Variants in ALCAM observed in about 807,000 individuals in gnomAD.
ALCAM encodes the protein CD166 antigen.
In ALCAM, 30 loss-of-function variants were observed where a neutral mutation model predicts 70.9. The ratio of observed to expected loss-of-function variants is 0.42; its 90% confidence interval spans 0.32 to 0.57. The LOEUF (loss-of-function observed/expected upper bound fraction) is 0.57, where lower values mean the gene tolerates loss of function less well. ALCAM is among the 20% of genes least tolerant of loss of function. The probability of loss-of-function intolerance (pLI) is 0.11; values close to 1 mark genes in which losing one functional copy is unlikely to be tolerated. For synonymous variants in ALCAM, 249 were observed against 242.5 expected (o/e 1.03, Z -0.25); for missense variants, 591 against 695.1 (o/e 0.85, Z 1.68).
At chr3:105,527,922 G>C (rs1008439312) in intron 3 of ALCAM, among the ~76,000 whole-genome samples, 19 of 150,608 alleles carry the variant, frequency 1.3e-4, no homozygotes, top group African/African-American at 3.7e-4. Context: ...GGGCATTGAG[G>C]GGGGAGGAAG....
chr3:105,529,057 CTG>C (rs1354396988), intron 3 of ALCAM, among the ~76,000 whole-genome samples: 2 of 152,114 alleles, frequency 1.3e-5, no homozygotes, highest in Admixed American at 1.3e-4. Flanking sequence ...AGAATAAACA[CTG>C]TAAGATATTT....
chr3:105,537,140 G>A (rs1416232207), intron 6 of ALCAM, among the ~76,000 whole-genome samples: 1 of 129,602 alleles, frequency 7.7e-6, no homozygotes, highest in Non-Finnish European at 1.7e-5. Context: ...AAATGCACCA[G>A]TCCACTCCTT....
intron 1 of ALCAM, among the ~76,000 whole-genome samples, chr3:105,473,762 C>A (rs561490173): frequency 9.9e-5 from 15 of 151,708 alleles, no homozygotes; most frequent in Middle Eastern, 3.4e-3. Flanking sequence ...CACAGGATTT[C>A]ATGGCACATT....
At chr3:105,499,823 T>C (rs1157456411) in intron 1 of ALCAM, among the ~76,000 whole-genome samples, 1 of 152,214 alleles carries the variant, frequency 6.6e-6, no homozygotes, top group East Asian at 1.9e-4. Context: ...ACTATCTAAG[T>C]ACAAATATGG....
intron 1 of ALCAM, among the ~76,000 whole-genome samples, chr3:105,488,060 C>CT (rs201772295): frequency 0.011 from 1,680 of 152,176 alleles, 26 homozygotes; most frequent in African/African-American, 0.038. Flanking sequence ...CTGTGAGTGA[C>CT]TTTTTACTTT....
At chr3:105,534,575 A>AT in intron 5 of ALCAM, 88 bp from the exon 6 acceptor site, 1 of 1,311,944 alleles carries the variant, frequency 7.6e-7, no homozygotes. Flanking sequence ...AGGAAAAAAA[A>AT]CACTTCTCAA....
At chr3:105,509,300 A>C (rs1447318980) in intron 1 of ALCAM, among the ~76,000 whole-genome samples, 7 of 151,970 alleles carry the variant, frequency 4.6e-5, no homozygotes, top group African/African-American at 1.7e-4. Context: ...CGTTTTTCAT[A>C]ATTGCTGTAC....
chr3:105,386,340 G>GT (rs1935654300), intron 1 of ALCAM, among the ~76,000 whole-genome samples: 4 of 151,588 alleles, frequency 2.6e-5, no homozygotes, highest in Admixed American at 1.3e-4. Context: ...CTGCACAATG[G>GT]TTTATGCATG....
chr3:105,408,887 G>A (rs1936315811), intron 1 of ALCAM, among the ~76,000 whole-genome samples: 1 of 152,024 alleles, frequency 6.6e-6, no homozygotes, highest in Non-Finnish European at 1.5e-5. Flanking sequence ...AGCGGGCTAA[G>A]GAGATGAATA....
At chr3:105,539,947 G>A (rs1433663936) in intron 6 of ALCAM, 28 bp from the exon 7 acceptor site, 15 of 1,608,188 alleles carry the variant, frequency 9.3e-6, no homozygotes, top group East Asian at 2.2e-5. Context: ...TGACAAAAAT[G>A]GTTAACTTGT....
At chr3:105,536,531 G>A (rs1001510815) in intron 6 of ALCAM, among the ~76,000 whole-genome samples, 4 of 152,182 alleles carry the variant, frequency 2.6e-5, no homozygotes, top group Non-Finnish European at 5.9e-5. Context: ...AAATATCTGT[G>A]AGTATGAGGC....
chr3:105,448,873 G>A (rs773390854), intron 1 of ALCAM, among the ~76,000 whole-genome samples: 5 of 152,194 alleles, frequency 3.3e-5, no homozygotes, highest in Non-Finnish European at 5.9e-5. Context: ...CACAGCTGTG[G>A]CAACTGGATT....
chr3:105,491,680 C>T (rs1242793047), intron 1 of ALCAM, among the ~76,000 whole-genome samples: 2 of 152,190 alleles, frequency 1.3e-5, no homozygotes, highest in African/African-American at 4.8e-5. Flanking sequence ...CAAAATGCCA[C>T]CAGTCTCTTT....
At chr3:105,368,867 G>A (rs1016144507) in intron 1 of ALCAM, among the ~76,000 whole-genome samples, 1 of 152,140 alleles carries the variant, frequency 6.6e-6, no homozygotes, top group East Asian at 1.9e-4. Flanking sequence ...GAAAAAAAAG[G>A]CGTCTGCGTT....
At chr3:105,479,329 A>G (rs936052078) in intron 1 of ALCAM, among the ~76,000 whole-genome samples, 1 of 152,204 alleles carries the variant, frequency 6.6e-6, no homozygotes, top group Non-Finnish European at 1.5e-5. Flanking sequence ...GTCAGAAAGT[A>G]TAACTATCTA....
chr3:105,419,514 A>C (rs1936591520), intron 1 of ALCAM, among the ~76,000 whole-genome samples: 1 of 151,832 alleles, frequency 6.6e-6, no homozygotes, highest in South Asian at 2.1e-4. Flanking sequence ...TAGAGGTGAT[A>C]CGCCAAACTG....
chr3:105,474,325 A>G (rs1465520896), intron 1 of ALCAM, among the ~76,000 whole-genome samples: 2 of 151,694 alleles, frequency 1.3e-5, no homozygotes, highest in African/African-American at 4.8e-5. Flanking sequence ...GCATGAAGCA[A>G]CTTTGTGTGT....
intron 1 of ALCAM, among the ~76,000 whole-genome samples, chr3:105,399,903 G>A (rs1292283969): frequency 6.6e-6 from 1 of 152,156 alleles, no homozygotes. Context: ...TTAGCAGACA[G>A]CCTACATCCC....
intron 1 of ALCAM, among the ~76,000 whole-genome samples, chr3:105,495,687 G>A (rs964797537): frequency 2.0e-5 from 3 of 152,070 alleles, no homozygotes; most frequent in African/African-American, 4.8e-5. Context: ...CTCAGAATCC[G>A]TTTATGTCTA....
Sources: gnomAD v4.1 joint callset for allele counts (sites outside exome capture counted in the v4.1 genomes callset) on GRCh38, gnomAD v4.1.1 for gene constraint, MANE v1.5 for transcripts, NCBI Gene and HGNC (gene_info 2026-07-23, HGNC 2026-07-21) for gene names.